CHN1: variants seen among roughly 807,000 people sequenced by gnomAD.
The protein encoded by CHN1 is chimerin 1.
Under a neutral mutation model 59.5 loss-of-function variants are expected in CHN1, and 37 were observed. That is an observed-to-expected ratio of 0.62 (90% CI 0.48 to 0.82). The LOEUF is 0.82. Among genes scored for constraint, CHN1 ranks in the 40% least tolerant of loss-of-function variants. The probability of loss-of-function intolerance (pLI) is 0.00; values close to 1 mark genes in which losing one functional copy is unlikely to be tolerated. For missense variants in CHN1, 469 were observed against 571.0 expected (o/e 0.82, Z 1.82); for synonymous variants, 206 against 200.4 (o/e 1.03, Z -0.24).
chr2:174,878,274 T>C, intron 5 of CHN1, 146 bp from the exon 6 acceptor site: 1 of 675,860 alleles, frequency 1.5e-6, no homozygotes, highest in Non-Finnish European at 2.3e-6. Flanking sequence ...TCTCTCTGAA[T>C]CGTCTGGAAT....
chr2:174,941,362 T>C (rs1689658729), intron 3 of CHN1, among the ~76,000 whole-genome samples: 1 of 152,180 alleles, frequency 6.6e-6, no homozygotes, highest in East Asian at 1.9e-4. Context: ...CTAGGCCCTT[T>C]CCTTGGACTG....
Position 174,919,290 on chromosome 2 carries a change from G to A in CHN1, c.115-725C>T, listed in dbSNP as rs148348698. 3.7e-4 allele frequency among the ~76,000 whole-genome samples: 57 copies of A among 152,326 alleles called. No individual in the cohort carries two copies. The East Asian group carries it at 0.011, about 29-fold the overall frequency. On this transcript the variant is annotated intron_variant, in intron 3 of 12. Transcript: ENST00000409900. ...AGTAAGTACTATAATGAAAATAGGA[G>A]TGGGTAACAAAAGGGAAGACTAGTG...
intron 3 of CHN1, among the ~76,000 whole-genome samples, chr2:174,943,092 T>G (rs1247177501): frequency 6.6e-6 from 1 of 151,898 alleles, no homozygotes; most frequent in African/African-American, 2.4e-5. Context: ...AATAAATAAA[T>G]AAAAGCTATT....
At chr2:174,839,158 A>T (rs1686199889) in intron 7 of CHN1, among the ~76,000 whole-genome samples, 1 of 152,194 alleles carries the variant, frequency 6.6e-6, no homozygotes, top group Non-Finnish European at 1.5e-5. Flanking sequence ...TGTAAGCATT[A>T]CCTCACATAT....
chr2:174,988,505 T>G (rs1216025549), intron 1 of CHN1, among the ~76,000 whole-genome samples: 3 of 152,234 alleles, frequency 2.0e-5, no homozygotes, highest in Admixed American at 6.5e-5. Flanking sequence ...TGTACCGTTT[T>G]GCAAATATTG....
At chr2:174,914,842 CAAAAAAAAA>C (rs577375465) in intron 5 of CHN1, among the ~76,000 whole-genome samples, 1 of 100,066 alleles carries the variant, frequency 1.0e-5, no homozygotes, top group African/African-American at 3.7e-5. Flanking sequence ...AGATTCCATT[CAAAAAAAAA>C]AAAAAAAAAA....
intron 1 of CHN1, among the ~76,000 whole-genome samples, chr2:174,992,525 A>G (rs1334573568): frequency 1.3e-5 from 2 of 152,270 alleles, no homozygotes; most frequent in Non-Finnish European, 2.9e-5. Context: ...GATGTAATCA[A>G]AAACATCAAA....
intron 1 of CHN1, among the ~76,000 whole-genome samples, chr2:174,998,671 A>G (rs1691789641): frequency 6.6e-6 from 1 of 152,174 alleles, no homozygotes; most frequent in African/African-American, 2.4e-5. Context: ...CTTCTCCCAC[A>G]TTCTCTCAAC....
At chr2:174,815,406 T>C (rs1205732752) in intron 8 of CHN1, among the ~76,000 whole-genome samples, 5 of 152,094 alleles carry the variant, frequency 3.3e-5, no homozygotes, top group African/African-American at 1.2e-4. Flanking sequence ...AAAATACATA[T>C]TTTCTCTTTG....
chr2:174,882,825 G>C (rs971195639), intron 5 of CHN1, among the ~76,000 whole-genome samples: 3 of 152,046 alleles, frequency 2.0e-5, no homozygotes, highest in African/African-American at 7.2e-5. Flanking sequence ...ATTTAAAACA[G>C]AAATAAAATA....
At chr2:174,824,563 C>A (rs373698080) in intron 7 of CHN1, 45 bp from the exon 8 acceptor site, 2 of 1,256,644 alleles carry the variant, frequency 1.6e-6, no homozygotes, top group Non-Finnish European at 2.3e-6. Context: ...GGGAAACACA[C>A]GGATGAGAAG....
chr2:174,957,638 A>G (rs1690256366), intron 1 of CHN1, among the ~76,000 whole-genome samples: 1 of 152,184 alleles, frequency 6.6e-6, no homozygotes, highest in Non-Finnish European at 1.5e-5. Context: ...AGTTTATAAC[A>G]GGACACCCAT....
intron 8 of CHN1, among the ~76,000 whole-genome samples, chr2:174,817,782 C>T (rs533104468): frequency 3.3e-5 from 5 of 151,992 alleles, no homozygotes; most frequent in African/African-American, 1.2e-4. Flanking sequence ...GGACTACAGG[C>T]GCCCGCCACC....
chr2:174,949,839 G>C (rs1266735358), intron 2 of CHN1, among the ~76,000 whole-genome samples: 1 of 152,064 alleles, frequency 6.6e-6, no homozygotes, highest in Non-Finnish European at 1.5e-5. Context: ...AAATGAAAAA[G>C]TCAAAAGATA....
chr2:174,841,478 C>T (rs111287114), intron 7 of CHN1, among the ~76,000 whole-genome samples: 1 of 152,140 alleles, frequency 6.6e-6, no homozygotes, highest in Non-Finnish European at 1.5e-5. Context: ...GACCAATTTC[C>T]TAGTTTCTCT....
chr2:174,988,511 T>G (rs908465514), intron 1 of CHN1, among the ~76,000 whole-genome samples: 1 of 152,202 alleles, frequency 6.6e-6, no homozygotes, highest in Non-Finnish European at 1.5e-5. Context: ...GTTTTGCAAA[T>G]ATTGCTAATA....
rs148181878 is a variant in CHN1 at position 174,826,931 on chromosome 2, G to A, written c.628-2413C>T. ...AAGGCATCCTGAGCCATTTGAGGCT[G>A]GGTTGTTTTTTTTTGTTTTTTAAAT... On this transcript the variant is annotated intron_variant, in intron 7 of 12. Coordinates refer to ENST00000409900, the MANE Select transcript of CHN1 (RefSeq NM_001822.7). Among the ~76,000 whole-genome samples the A allele has an allele frequency of 4.5e-3, 686 of 152,104 alleles. 6 individuals are homozygous for A. Among genetic ancestry groups the A allele is most frequent in the African/African-American group, 0.015 (635 of 41,494 alleles).
At position 174,873,709 on chromosome 2, in the gene CHN1, A is replaced by G. The variant is rs138344693; in HGVS notation, c.549+4131T>C. 5.6e-3 allele frequency among the ~76,000 whole-genome samples: 856 copies of G among 152,316 alleles called. 8 individuals carry two copies. The highest frequency in any genetic ancestry group is 0.02 in the African/African-American group (819 of 41,574). Reference sequence around the variant, plus strand: ...ATTACATTTCAACTTAAAATTTCACAAGGCTTTTCAATACAACACACAGTC... The same window carrying G: ...ATTACATTTCAACTTAAAATTTCACGAGGCTTTTCAATACAACACACAGTC... On this transcript the variant is annotated intron_variant, in intron 6 of 12. Transcript: ENST00000409900.
chr2:174,884,125 T>C (rs1040977544), intron 5 of CHN1, among the ~76,000 whole-genome samples: 1 of 151,856 alleles, frequency 6.6e-6, no homozygotes, highest in Non-Finnish European at 1.5e-5. Context: ...CCCGCCACCA[T>C]GCCTGCCTAA....
Sources: allele counts gnomAD v4.1 joint callset (sites outside exome capture counted in the v4.1 genomes callset), GRCh38; gene constraint gnomAD v4.1.1; transcripts MANE v1.5; gene names NCBI Gene and HGNC (gene_info 2026-07-23, HGNC 2026-07-21).